The following TPTE variants were observed in gnomAD, a reference collection of about 807,000 sequenced individuals.
TPTE encodes the protein transmembrane phosphatase with tensin homology.
A neutral mutation model predicts 84.1 loss-of-function variants in TPTE; 59 were observed. The observed-to-expected ratio is 0.70, with a 90% CI of 0.57 to 0.87. The LOEUF (loss-of-function observed/expected upper bound fraction) is 0.87. Ranked by LOEUF, TPTE falls within the 40% of genes least tolerant of loss-of-function variation. The probability of loss-of-function intolerance (pLI) is 0.00; values close to 1 mark genes in which losing one functional copy is unlikely to be tolerated. For missense variants in TPTE, 382 were observed against 659.6 expected (o/e 0.58, Z 4.61); for synonymous variants, 130 against 223.5 (o/e 0.58, Z 3.73).
chr21:10,563,202 C>T (rs923231775), intron 10 of TPTE, among the ~76,000 whole-genome samples: 4 of 152,312 alleles, frequency 2.6e-5, no homozygotes, highest in Non-Finnish European at 4.4e-5. Flanking sequence ...CTTTTCCACA[C>T]AAAAGCTGAG....
chr21:10,524,136 A>G (rs769547180), intron 1 of TPTE, among the ~76,000 whole-genome samples: 1,088 of 151,970 alleles, frequency 7.2e-3, no homozygotes, highest in African/African-American at 0.019. Context: ...CTTATTCTCA[A>G]TAGGAGGTAA....
intron 8 of TPTE, among the ~76,000 whole-genome samples, chr21:10,555,032 C>T (rs150067825): frequency 0.019 from 2,800 of 151,126 alleles, no homozygotes; most frequent in African/African-American, 0.066. Context: ...GAGATAGCAC[C>T]TGCCTTCAAT....
intron 7 of TPTE, among the ~76,000 whole-genome samples, chr21:10,545,957 C>CAT (rs1052970193): frequency 6.6e-6 from 1 of 152,060 alleles, no homozygotes; most frequent in African/African-American, 2.4e-5. Context: ...TATCCTTTAG[C>CAT]ATATATATGT....
intron 21 of TPTE, among the ~76,000 whole-genome samples, chr21:10,599,168 C>G (rs1414412655): frequency 2.0e-5 from 3 of 152,310 alleles, no homozygotes; most frequent in South Asian, 2.1e-4. Flanking sequence ...TCCACTCATG[C>G]CTTGGGCTTT....
At chr21:10,596,911 G>A (rs1263010929) in intron 20 of TPTE, among the ~76,000 whole-genome samples, 1 of 152,308 alleles carries the variant, frequency 6.6e-6, no homozygotes, top group Non-Finnish European at 1.5e-5. Flanking sequence ...GGGAACTGAG[G>A]CAAGAAACTG....
intron 8 of TPTE, among the ~76,000 whole-genome samples, chr21:10,554,610 G>A (rs1238525183): frequency 6.6e-6 from 1 of 152,286 alleles, no homozygotes; most frequent in Non-Finnish European, 1.5e-5. Context: ...TTTCTCCCAG[G>A]TTGTCTTGCT....
chr21:10,549,574 T>C (rs1444807664), intron 7 of TPTE, among the ~76,000 whole-genome samples: 126 of 152,360 alleles, frequency 8.3e-4, no homozygotes, highest in Non-Finnish European at 1.5e-3. Context: ...TCAATGGCTT[T>C]ACAGACAAGA....
chr21:10,574,213 A>T (rs1236727260), intron 14 of TPTE, among the ~76,000 whole-genome samples: 1 of 152,308 alleles, frequency 6.6e-6, no homozygotes, highest in African/African-American at 2.4e-5. Flanking sequence ...GTTTAATTTT[A>T]TGTAATTTAC....
At chr21:10,545,909 T>C (rs1469488361) in intron 7 of TPTE, among the ~76,000 whole-genome samples, 8 of 151,892 alleles carry the variant, frequency 5.3e-5, no homozygotes, top group Non-Finnish European at 8.8e-5. Context: ...AATATATATA[T>C]GAGCATCTGT....
At chr21:10,536,589 GAA>G (rs200737558) in intron 3 of TPTE, among the ~76,000 whole-genome samples, 1,146 of 151,838 alleles carry the variant, frequency 7.5e-3, no homozygotes, top group African/African-American at 0.027. Context: ...GAAAGGGAGA[GAA>G]AGAGAAAAGA....
At position 10,559,789 on chromosome 21, in the gene TPTE, G is replaced by A. The variant is rs142602387; in HGVS notation, c.284+245G>A. On this transcript the variant is annotated intron_variant, in intron 9 of 23. Transcript: ENST00000618007. ...CTCAGGAGGCTGAGGCAGAAGAATC[G>A]CTTGAACCGAGGAGGCATAGATTGC... is the stretch of plus-strand genomic sequence containing the variant. Among the ~76,000 whole-genome samples the A allele has an allele frequency of 2.0e-4, 30 of 151,750 alleles. No homozygotes were observed. In the East Asian group the frequency reaches 2.3e-3, roughly 12 times the overall value.
rs1461451558 is a variant in TPTE at position 10,569,733 on chromosome 21, C to A, written c.717C>A (p.Leu239=). 1 of 1,613,892 alleles carries A rather than the reference C, an allele frequency of 6.2e-7. No homozygotes were observed. The highest frequency in any genetic ancestry group is 1.3e-5 in the African/African-American group (1 of 74,958). Residue 239 remains leucine (L), a synonymous_variant, in exon 13 of 24, where the codon CTC becomes CTA. Transcript: ENST00000618007. ...RYTRDGFDLD[L]TYVTERIIAM... is the part of the protein sequence containing the mutation. Reference sequence around the variant, plus strand: ...CAAGGGATGGATTTGACCTAGACCTCACTTACGTTACAGGTTTGTGACACT... The same window carrying A: ...CAAGGGATGGATTTGACCTAGACCTAACTTACGTTACAGGTTTGTGACACT...
Position 10,559,639 on chromosome 21 carries a change from C to A in TPTE, c.284+95C>A. 3.1e-6 allele frequency: 5 copies of A among 1,595,406 alleles called. No homozygotes were observed. The South Asian group carries it at 5.6e-5, about 18-fold the overall frequency. On this transcript the variant is annotated intron_variant, in intron 9 of 23. Transcript: ENST00000618007. ...CTGTAATCCCAGCACCCTGGGAGGC[C>A]GAGGCGGGCGGATCACATGAAGTCA...
At chr21:10,570,991 G>C (rs1187219610) in intron 14 of TPTE, among the ~76,000 whole-genome samples, 10 of 152,304 alleles carry the variant, frequency 6.6e-5, no homozygotes, top group African/African-American at 2.4e-4. Context: ...GGCACCCACT[G>C]CTGCCAACAG....
intron 17 of TPTE, among the ~76,000 whole-genome samples, chr21:10,586,787 C>A (rs1251510888): frequency 1.3e-5 from 2 of 152,304 alleles, no homozygotes; most frequent in Non-Finnish European, 2.9e-5. Flanking sequence ...TTCCTAAAAT[C>A]TCTCATTAGA....
intron 10 of TPTE, among the ~76,000 whole-genome samples, chr21:10,564,378 C>T (rs10433267): frequency 9.3e-4 from 141 of 152,304 alleles, no homozygotes; most frequent in African/African-American, 2.6e-3. Context: ...GGTGTGGTGC[C>T]GGGCACCTGT....
intron 4 of TPTE, chr21:10,540,694 AGCTACTTGGCC>A (rs777506945): frequency 1.9e-6 from 1 of 519,254 alleles, no homozygotes; most frequent in Non-Finnish European, 3.8e-6. Flanking sequence ...TGAGGCCTCC[AGCTACTTGGCC>A]GCAACTCTTG....
chr21:10,602,477 T>G (rs1600994023), intron 22 of TPTE, among the ~76,000 whole-genome samples: 1 of 152,290 alleles, frequency 6.6e-6, no homozygotes, highest in African/African-American at 2.4e-5. Context: ...ATTGATTACA[T>G]TTTGTTTTGC....
intron 8 of TPTE, among the ~76,000 whole-genome samples, chr21:10,556,923 T>A (rs1242287199): frequency 1.3e-5 from 2 of 152,310 alleles, no homozygotes; most frequent in Non-Finnish European, 2.9e-5. Context: ...GTTTGAGTTC[T>A]TTGTAGATTC....
Sources: gnomAD v4.1 joint callset for allele counts (sites outside exome capture counted in the v4.1 genomes callset) on GRCh38, gnomAD v4.1.1 for gene constraint, MANE v1.5 for transcripts, NCBI Gene and HGNC (gene_info 2026-07-23, HGNC 2026-07-21) for gene names.